Variants in HEMK2 observed in about 807,000 individuals in gnomAD.
HEMK2 encodes HemK methyltransferase 2, ETF1 glutamine and histone H4 lysine, also known as methyltransferase HEMK2.
the HEMK2 span, among the ~76,000 whole-genome samples, chr21:28,799,334 G>A: frequency 1.3e-5 from 2 of 152,228 alleles, no homozygotes; most frequent in East Asian, 1.9e-4. Flanking sequence ...GATCTCATGA[G>A]ACTTATTCCC....
At chr21:28,803,502 C>T in the HEMK2 span, among the ~76,000 whole-genome samples, 1 of 152,184 alleles carries the variant, frequency 6.6e-6, no homozygotes, top group South Asian at 2.1e-4. Flanking sequence ...GTCAAAGAAT[C>T]ATAGCTTAGC....
At chr21:28,848,918 C>A in the HEMK2 span, among the ~76,000 whole-genome samples, 1 of 152,162 alleles carries the variant, frequency 6.6e-6, no homozygotes, top group African/African-American at 2.4e-5. Context: ...CCTGCCCCTG[C>A]CTGCGCTCTG....
the HEMK2 span, among the ~76,000 whole-genome samples, chr21:28,632,806 A>G: frequency 6.6e-6 from 1 of 152,220 alleles, no homozygotes; most frequent in African/African-American, 2.4e-5. Flanking sequence ...GAAAACCAAA[A>G]TAAGTGATTT....
At chr21:28,759,026 C>T in the HEMK2 span, among the ~76,000 whole-genome samples, 1 of 152,208 alleles carries the variant, frequency 6.6e-6, no homozygotes, top group Non-Finnish European at 1.5e-5. Flanking sequence ...TAGGTGCCCT[C>T]TGATGTCCCT....
At chr21:28,594,839 C>T in the HEMK2 span, among the ~76,000 whole-genome samples, 4 of 152,250 alleles carry the variant, frequency 2.6e-5, no homozygotes, top group Admixed American at 6.5e-5. Context: ...TCAGCATTTA[C>T]CAGGGCTATT....
At chr21:28,595,678 T>C in the HEMK2 span, among the ~76,000 whole-genome samples, 3 of 152,326 alleles carry the variant, frequency 2.0e-5, no homozygotes, top group South Asian at 6.2e-4. Flanking sequence ...TTTCCTTTCT[T>C]TTGGGCATAT....
the HEMK2 span, among the ~76,000 whole-genome samples, chr21:28,774,538 T>C: frequency 6.6e-6 from 1 of 152,066 alleles, no homozygotes; most frequent in African/African-American, 2.4e-5. Flanking sequence ...CAATGTGCTA[T>C]GATCATGCCA....
the HEMK2 span, among the ~76,000 whole-genome samples, chr21:28,586,512 G>A: frequency 6.6e-6 from 1 of 151,554 alleles, no homozygotes; most frequent in African/African-American, 2.4e-5. Context: ...TGGTAACAAC[G>A]AATCACTGCA....
chr21:28,667,942 C>A, the HEMK2 span, among the ~76,000 whole-genome samples: 2 of 152,086 alleles, frequency 1.3e-5, no homozygotes, highest in African/African-American at 4.8e-5. Context: ...ATTAAGTATT[C>A]ATTGTTATTA....
At chr21:28,780,272 G>T in the HEMK2 span, among the ~76,000 whole-genome samples, 1 of 152,186 alleles carries the variant, frequency 6.6e-6, no homozygotes, top group East Asian at 1.9e-4. Flanking sequence ...CTGCCTCCCA[G>T]GTTCAAGTGA....
chr21:28,828,167 C>T, the HEMK2 span, among the ~76,000 whole-genome samples: 20 of 138,166 alleles, frequency 1.4e-4, no homozygotes, highest in Admixed American at 3.5e-4. Flanking sequence ...CTGATATAAG[C>T]GTAAGACCCA....
At chr21:28,636,795 T>A in the HEMK2 span, among the ~76,000 whole-genome samples, 1 of 152,228 alleles carries the variant, frequency 6.6e-6, no homozygotes, top group South Asian at 2.1e-4. Flanking sequence ...AAACAAGTGC[T>A]GTCTCATTTG....
At chr21:28,653,952 GAC>G in the HEMK2 span, among the ~76,000 whole-genome samples, 1 of 152,090 alleles carries the variant, frequency 6.6e-6, no homozygotes, top group Admixed American at 6.6e-5. Flanking sequence ...AAGTCAAAAA[GAC>G]TAATGAAATA....
the HEMK2 span, among the ~76,000 whole-genome samples, chr21:28,786,318 C>G: frequency 6.6e-6 from 1 of 152,214 alleles, no homozygotes; most frequent in Admixed American, 6.5e-5. Context: ...AAACATTATT[C>G]ACCCATAGGT....
chr21:28,734,122 A>G, the HEMK2 span, among the ~76,000 whole-genome samples: 1 of 152,188 alleles, frequency 6.6e-6, no homozygotes, highest in African/African-American at 2.4e-5. Flanking sequence ...CAGGAGTTCA[A>G]AATGAAACTG....
chr21:28,739,436 TAGAC>T, the HEMK2 span, among the ~76,000 whole-genome samples: 14 of 152,200 alleles, frequency 9.2e-5, no homozygotes, highest in African/African-American at 3.4e-4. Flanking sequence ...TAGATAAAAA[TAGAC>T]AGAATTACTC....
At chr21:28,656,024 A>C in the HEMK2 span, among the ~76,000 whole-genome samples, 9 of 152,242 alleles carry the variant, frequency 5.9e-5, no homozygotes, top group African/African-American at 2.2e-4. Context: ...ATGAAAAGTC[A>C]TACTTTAAAT....
At chr21:28,664,446 A>C in the HEMK2 span, among the ~76,000 whole-genome samples, 1 of 152,168 alleles carries the variant, frequency 6.6e-6, no homozygotes, top group Non-Finnish European at 1.5e-5. Flanking sequence ...TATCAAATAC[A>C]ATATTTCTCT....
chr21:28,612,718 A>G, the HEMK2 span, among the ~76,000 whole-genome samples: 1 of 152,220 alleles, frequency 6.6e-6, no homozygotes, highest in Non-Finnish European at 1.5e-5. Context: ...AACTAATAAA[A>G]GAATTCAGCA....
Sources: allele counts gnomAD v4.1 joint callset (sites outside exome capture counted in the v4.1 genomes callset), GRCh38; gene constraint gnomAD v4.1.1; transcripts MANE v1.5; gene names NCBI Gene and HGNC (gene_info 2026-07-23, HGNC 2026-07-21).